The following SHANK2 variants were observed in gnomAD, a reference collection of about 807,000 sequenced individuals.
SHANK2 encodes SH3 and multiple ankyrin repeat domains protein 2.
In SHANK2, 43 loss-of-function variants were observed where a neutral mutation model predicts 133.7. That is an observed-to-expected ratio of 0.32 (90% CI 0.25 to 0.41). The LOEUF (loss-of-function observed/expected upper bound fraction) is 0.41, where lower values mean the gene tolerates loss of function less well. Ranked by LOEUF, SHANK2 falls within the 10% of genes least tolerant of loss-of-function variation. SHANK2 has a pLI of 1.00. For synonymous variants in SHANK2, 1,017 were observed against 952.8 expected (o/e 1.07, Z -1.24); for missense variants, 1,994 against 2,235.8 (o/e 0.89, Z 2.18).
chr11:71,235,978 G>GGCCAGACCAGCAGGTGCTGGCGGCAGA (rs1565531002), intron 1 of SHANK2, among the ~76,000 whole-genome samples: 4 of 152,028 alleles, frequency 2.6e-5, no homozygotes, highest in Non-Finnish European at 5.9e-5. Flanking sequence ...AGAAAACTGA[G>GGCCAGACCAGCAGGTGCTGGCGGCAGA]GCCAGACCAG....
intron 17 of SHANK2, among the ~76,000 whole-genome samples, chr11:70,641,170 A>T (rs2061174904): frequency 6.8e-6 from 1 of 146,806 alleles, no homozygotes. Context: ...ATCTTGGCTC[A>T]CCGCAAGCTC....
At chr11:70,638,382 G>T (rs1183806282) in intron 17 of SHANK2, among the ~76,000 whole-genome samples, 1 of 152,190 alleles carries the variant, frequency 6.6e-6, no homozygotes. Flanking sequence ...CTGCATCCAC[G>T]CCCGGCCCCG....
chr11:70,502,749 C>CCT (rs1555159073), intron 18 of SHANK2, 47 bp downstream of exon 18: 1 of 1,200,490 alleles, frequency 8.3e-7, no homozygotes, highest in Non-Finnish European at 1.1e-6. Flanking sequence ...CCACCCCCCC[C>CCT]CCCCAGTAGG....
chr11:70,602,443 G>A (rs950127085), intron 17 of SHANK2, among the ~76,000 whole-genome samples: 5 of 152,166 alleles, frequency 3.3e-5, no homozygotes, highest in Admixed American at 6.5e-5. Context: ...AGGAGAATAC[G>A]CAGGAGTGCT....
At chr11:71,072,900 GGA>G (rs1475318254) in intron 9 of SHANK2, among the ~76,000 whole-genome samples, 1 of 152,008 alleles carries the variant, frequency 6.6e-6, no homozygotes, top group East Asian at 1.9e-4. Flanking sequence ...TGAGGAGAGG[GGA>G]GAGTTACATT....
rs185905794 is a variant in SHANK2 at position 70,821,171 on chromosome 11, A to T, written c.1175-489T>A. Among the ~76,000 whole-genome samples the T allele has an allele frequency of 2.7e-3, 416 of 152,294 alleles. 1 individual carries two copies. Among genetic ancestry groups the T allele is most frequent in the African/African-American group, 9.4e-3 (390 of 41,562 alleles). ...GTTTTCAAAATGTGCCAATATTTGCAGGTAAGGTCTTTACAGAGATCATCT... is the reference window on the plus strand; with the variant it reads ...GTTTTCAAAATGTGCCAATATTTGCTGGTAAGGTCTTTACAGAGATCATCT... On this transcript the variant is annotated intron_variant, in intron 11 of 25. Transcript: ENST00000601538.
At chr11:71,236,497 T>C (rs1485967728) in intron 1 of SHANK2, among the ~76,000 whole-genome samples, 1 of 152,144 alleles carries the variant, frequency 6.6e-6, no homozygotes, top group Non-Finnish European at 1.5e-5. Flanking sequence ...CTATAGTCCC[T>C]GCTGCTCCAG....
intron 2 of SHANK2, among the ~76,000 whole-genome samples, chr11:71,177,314 T>C (rs1953466341): frequency 6.6e-6 from 1 of 152,082 alleles, no homozygotes; most frequent in Non-Finnish European, 1.5e-5. Flanking sequence ...GACAACTGAC[T>C]AAGCAGGAAA....
At chr11:70,861,538 G>T (rs1276083259) in intron 11 of SHANK2, among the ~76,000 whole-genome samples, 1 of 152,096 alleles carries the variant, frequency 6.6e-6, no homozygotes, top group Non-Finnish European at 1.5e-5. Flanking sequence ...AGTCTTATTT[G>T]GTATAAAGCA....
At chr11:70,560,095 C>T (rs1321595965) in intron 17 of SHANK2, among the ~76,000 whole-genome samples, 1 of 152,084 alleles carries the variant, frequency 6.6e-6, no homozygotes, top group African/African-American at 2.4e-5. Context: ...TGGTCTCGAA[C>T]TCCTGACCTC....
intron 11 of SHANK2, among the ~76,000 whole-genome samples, chr11:70,874,029 C>T (rs1028759782): frequency 2.6e-5 from 4 of 152,180 alleles, no homozygotes; most frequent in Non-Finnish European, 4.4e-5. Flanking sequence ...GAACAGTACA[C>T]AGAAATTCCT....
chr11:70,800,634 G>A (rs192927058), intron 13 of SHANK2, among the ~76,000 whole-genome samples: 16 of 152,148 alleles, frequency 1.1e-4, no homozygotes, highest in Admixed American at 7.9e-4. Context: ...TGACCTAACT[G>A]AAACAGATCA....
chr11:71,120,654 T>G (rs1555101313), intron 3 of SHANK2, among the ~76,000 whole-genome samples: 2 of 152,002 alleles, frequency 1.3e-5, no homozygotes, highest in African/African-American at 4.8e-5. Flanking sequence ...TGAGGCTGGG[T>G]GGGGGCAGTT....
intron 14 of SHANK2, among the ~76,000 whole-genome samples, chr11:70,728,152 G>A (rs1452995293): frequency 5.9e-5 from 9 of 152,140 alleles, no homozygotes; most frequent in South Asian, 2.1e-4. Context: ...CATAGAAACC[G>A]AGCCATGGGG....
intron 17 of SHANK2, among the ~76,000 whole-genome samples, chr11:70,518,387 A>G (rs2059291253): frequency 6.6e-6 from 1 of 152,066 alleles, no homozygotes; most frequent in Non-Finnish European, 1.5e-5. Flanking sequence ...AAAAACCACA[A>G]TGCCATTCTC....
intron 14 of SHANK2, among the ~76,000 whole-genome samples, chr11:70,765,903 A>G (rs1181643935): frequency 1.3e-5 from 2 of 152,228 alleles, no homozygotes; most frequent in Non-Finnish European, 2.9e-5. Context: ...AGTAGAGGAC[A>G]TCTGTACGGG....
chr11:70,935,490 C>G (rs1555083321), intron 10 of SHANK2, among the ~76,000 whole-genome samples: 1 of 152,086 alleles, frequency 6.6e-6, no homozygotes, highest in Non-Finnish European at 1.5e-5. Flanking sequence ...TTCAAGGACA[C>G]CTCTGAACCA....
At chr11:70,899,228 C>T (rs781975587) in intron 10 of SHANK2, among the ~76,000 whole-genome samples, 14 of 152,114 alleles carry the variant, frequency 9.2e-5, no homozygotes, top group African/African-American at 3.1e-4. Context: ...AACTGAATCA[C>T]GGGGGTGGTT....
At chr11:70,502,969 AGCGGAGAGGAAGACAGTTG>A in intron 17 of SHANK2, 38 bp from the exon 18 acceptor site, 1 of 1,613,130 alleles carries the variant, frequency 6.2e-7, no homozygotes. Flanking sequence ...AGTGAGAGCC[AGCGGAGAGGAAGACAGTTG>A]GCACCCACCC....
Sources: allele counts gnomAD v4.1 joint callset (sites outside exome capture counted in the v4.1 genomes callset), GRCh38; gene constraint gnomAD v4.1.1; transcripts MANE v1.5; gene names NCBI Gene and HGNC (gene_info 2026-07-23, HGNC 2026-07-21).